EYA4: variants seen among roughly 807,000 people sequenced by gnomAD.
The protein encoded by EYA4 is EYA transcriptional coactivator and phosphatase 4.
EYA4 carries 31 observed loss-of-function variants against 87.9 expected under a neutral mutation model. The ratio of observed to expected loss-of-function variants is 0.35; its 90% CI spans 0.27 to 0.48. EYA4 has a LOEUF of 0.48. Ranked by LOEUF, EYA4 falls within the 20% of genes least tolerant of loss-of-function variation. The pLI, the probability that EYA4 is intolerant of heterozygous loss-of-function variation, is 0.99. For synonymous variants in EYA4, 263 were observed against 270.6 expected (o/e 0.97, Z 0.28); for missense variants, 678 against 761.4 (o/e 0.89, Z 1.29).
At chr6:133,286,196 G>A (rs181373140) in intron 2 of EYA4, among the ~76,000 whole-genome samples, 404 of 152,294 alleles carry the variant, frequency 2.7e-3, no homozygotes, top group Non-Finnish European at 4.5e-3. Flanking sequence ...CAGTTATGAA[G>A]AACGCTGGAT....
intron 2 of EYA4, among the ~76,000 whole-genome samples, chr6:133,353,882 T>A (rs1276520684): frequency 6.6e-6 from 1 of 152,208 alleles, no homozygotes; most frequent in Non-Finnish European, 1.5e-5. Flanking sequence ...CTCAAGAGGC[T>A]ACTGTTTTCG....
At chr6:133,525,283 A>T (rs773117198) in intron 19 of EYA4, 29 bp downstream of exon 19, 1 of 1,558,904 alleles carries the variant, frequency 6.4e-7, no homozygotes, top group Admixed American at 1.7e-5. Flanking sequence ...TGTCGGTGTG[A>T]TACTTCTAAT....
chr6:133,466,348 A>G (rs950144188), intron 10 of EYA4, among the ~76,000 whole-genome samples: 7 of 152,174 alleles, frequency 4.6e-5, no homozygotes, highest in South Asian at 2.1e-4. Context: ...GTGGATCCCA[A>G]TGTAAAATGT....
At position 133,428,375 on chromosome 6, in the gene EYA4, A is replaced by G. The variant is rs766892714; in HGVS notation, c.84-18255A>G. The stretch of plus-strand genomic sequence containing the variant: ...AGGACAGCAGAATGTTAAGAGGACA[A>G]GAATGACACTCAAAGACAGCACATC... On this transcript the variant is annotated intron_variant, in intron 3 of 19. Transcript: ENST00000355286. 3.3e-5 allele frequency among the ~76,000 whole-genome samples: 5 copies of G among 152,346 alleles called. 1 individual carries two copies. The Middle Eastern group carries it at 0.01, about 311-fold the overall frequency.
intron 3 of EYA4, among the ~76,000 whole-genome samples, chr6:133,416,808 C>G (rs937379490): frequency 6.6e-6 from 1 of 152,220 alleles, no homozygotes; most frequent in Non-Finnish European, 1.5e-5. Context: ...CTTCACATAC[C>G]TTGACTCACA....
Position 133,426,211 on chromosome 6 carries a change from G to C in EYA4, c.84-20419G>C, listed in dbSNP as rs146047299. On this transcript the variant is annotated intron_variant, in intron 3 of 19. Transcript: ENST00000355286. The stretch of plus-strand genomic sequence containing the variant: ...GTTGCCAGATCTTCCATGCTAGACT[G>C]TGACCACAGCAAGTGGCTTTTTACC... Among the ~76,000 whole-genome samples, 273 of 142,494 alleles carry C rather than the reference G, an allele frequency of 1.9e-3. 22 individuals are homozygous for C. Among genetic ancestry groups the C allele is most frequent in the African/African-American group, 7.7e-3 (258 of 33,536 alleles). The allele number at this position is 142,494 out of a possible 152,430, so 93.5% of individuals were successfully genotyped here.
At chr6:133,309,235 A>G (rs965826731) in intron 2 of EYA4, among the ~76,000 whole-genome samples, 3 of 152,002 alleles carry the variant, frequency 2.0e-5, no homozygotes, top group African/African-American at 7.2e-5. Context: ...TTTATAGGTT[A>G]TGAAAAAAAT....
chr6:133,422,898 G>A (rs991204770), intron 3 of EYA4, among the ~76,000 whole-genome samples: 7 of 152,122 alleles, frequency 4.6e-5, no homozygotes, highest in Non-Finnish European at 8.8e-5. Flanking sequence ...AGTGTATGCA[G>A]CTTTGAGTGA....
chr6:133,285,098 G>A (rs1052717266), intron 2 of EYA4, among the ~76,000 whole-genome samples: 9 of 150,384 alleles, frequency 6.0e-5, no homozygotes, highest in Non-Finnish European at 1.0e-4. Flanking sequence ...CCGGGTTCAC[G>A]CCATTCTCCT....
intron 2 of EYA4, among the ~76,000 whole-genome samples, chr6:133,364,993 A>G (rs778043942): frequency 6.6e-5 from 10 of 152,188 alleles, no homozygotes; most frequent in Non-Finnish European, 1.0e-4. Context: ...TTGAAAATTC[A>G]GGATATCATC....
At chr6:133,375,723 A>G (rs1785627149) in intron 2 of EYA4, among the ~76,000 whole-genome samples, 1 of 151,922 alleles carries the variant, frequency 6.6e-6, no homozygotes, top group East Asian at 1.9e-4. Flanking sequence ...TAAAGCTGGA[A>G]TAATTATTTA....
intron 14 of EYA4, among the ~76,000 whole-genome samples, chr6:133,509,710 A>T (rs1325071369): frequency 6.6e-6 from 1 of 152,226 alleles, no homozygotes; most frequent in African/African-American, 2.4e-5. Flanking sequence ...ATTATAACTG[A>T]TAAATATCAG....
chr6:133,376,138 G>A (rs377117740), intron 2 of EYA4, among the ~76,000 whole-genome samples: 1 of 151,840 alleles, frequency 6.6e-6, no homozygotes. Context: ...AGTTTGGCAT[G>A]CAATAATCTG....
chr6:133,529,310 T>C lies in EYA4; in HGVS notation c.*505T>C. 1 of 993,226 alleles carries C rather than the reference T, an allele frequency of 1.0e-6. No homozygotes were observed. The highest frequency in any genetic ancestry group is 1.2e-6 in the Non-Finnish European group (1 of 833,572). The allele number at this position is 993,226 out of a possible 1,614,324, so 61.5% of individuals were successfully genotyped here. A position where few individuals can be genotyped will look rare whatever the true frequency, so the allele number is the denominator to read the frequency against. ...TTGTGTAAATTATTGATGAAAATAA[T>C]TTACTGTGACTTTATTAGCAGCTGA... On this transcript the variant is annotated 3_prime_UTR_variant, in exon 20 of 20. Transcript: ENST00000355286.
intron 3 of EYA4, among the ~76,000 whole-genome samples, chr6:133,426,515 A>T (rs1790688751): frequency 6.6e-6 from 1 of 152,208 alleles, no homozygotes; most frequent in South Asian, 2.1e-4. Flanking sequence ...TCAGTAAATT[A>T]TCCCTCTTTT....
intron 3 of EYA4, among the ~76,000 whole-genome samples, chr6:133,437,432 G>C (rs1791794147): frequency 6.6e-6 from 1 of 152,076 alleles, no homozygotes; most frequent in Non-Finnish European, 1.5e-5. Context: ...GTGTAACCTT[G>C]GGACTGCTGT....
At chr6:133,446,546 G>T (rs1792862511) in intron 3 of EYA4, 84 bp from the exon 4 acceptor site, 2 of 1,461,312 alleles carry the variant, frequency 1.4e-6, no homozygotes, top group Admixed American at 1.7e-5. Flanking sequence ...GTGAGATCAC[G>T]TGGTCAATAG....
chr6:133,456,402 C>G, intron 5 of EYA4, 154 bp from the exon 6 acceptor site: 1 of 674,036 alleles, frequency 1.5e-6, no homozygotes, highest in South Asian at 1.7e-5. Context: ...TAAATGCATG[C>G]CCGTTTAGAA....
At chr6:133,277,351 G>T (rs963135386) in intron 2 of EYA4, among the ~76,000 whole-genome samples, 1 of 152,108 alleles carries the variant, frequency 6.6e-6, no homozygotes, top group East Asian at 1.9e-4. Context: ...CTTCTCTCTG[G>T]CCCCAAAACT....
Sources: gnomAD v4.1 joint callset for allele counts (sites outside exome capture counted in the v4.1 genomes callset) on GRCh38, gnomAD v4.1.1 for gene constraint, MANE v1.5 for transcripts, NCBI Gene and HGNC (gene_info 2026-07-23, HGNC 2026-07-21) for gene names.